Variants in SPATA16 observed in about 807,000 individuals in gnomAD.
SPATA16 encodes the protein spermatogenesis associated 16, also known as spermatogenesis-associated protein 16.
SPATA16 carries 36 observed loss-of-function variants against 63.3 expected under a neutral mutation model. The ratio of observed to expected loss-of-function variants is 0.57; its 90% confidence interval spans 0.44 to 0.75. The LOEUF (loss-of-function observed/expected upper bound fraction) is 0.75. Ranked by LOEUF, SPATA16 falls within the 30% of genes least tolerant of loss-of-function variation. The pLI, the probability that SPATA16 is intolerant of heterozygous loss-of-function variation, is 0.00. For missense variants in SPATA16, 646 were observed against 679.3 expected, an observed-to-expected ratio of 0.95 and a Z score of 0.54; for synonymous variants, 203 against 216.7, an observed-to-expected ratio of 0.94 and a Z score of 0.56.
At chr3:173,050,191 G>C (rs766865115) in intron 2 of SPATA16, among the ~76,000 whole-genome samples, 1 of 152,074 alleles carries the variant, frequency 6.6e-6, no homozygotes, top group Non-Finnish European at 1.5e-5. Flanking sequence ...AATGCAGTTT[G>C]TTATTTGAAT....
chr3:173,124,450 T>C (rs1278232134), intron 1 of SPATA16, among the ~76,000 whole-genome samples: 1 of 152,230 alleles, frequency 6.6e-6, no homozygotes, highest in Admixed American at 6.5e-5. Context: ...ATGCCTTGGC[T>C]CTTTCCAAGG....
intron 2 of SPATA16, among the ~76,000 whole-genome samples, chr3:173,078,553 A>G (rs1736856317): frequency 6.6e-6 from 1 of 152,192 alleles, no homozygotes. Flanking sequence ...TCATATTGTG[A>G]TTCTGACCAT....
At chr3:173,115,648 G>A (rs1397055579) in intron 2 of SPATA16, among the ~76,000 whole-genome samples, 1 of 152,122 alleles carries the variant, frequency 6.6e-6, no homozygotes, top group Non-Finnish European at 1.5e-5. Context: ...CTATTTGTGT[G>A]CTACCTAATT....
intron 4 of SPATA16, among the ~76,000 whole-genome samples, chr3:172,995,963 G>T (rs543315814): frequency 6.6e-6 from 1 of 151,966 alleles, no homozygotes; most frequent in Non-Finnish European, 1.5e-5. Context: ...CAGGTTTTCC[G>T]TTAATGTCCT....
intron 2 of SPATA16, among the ~76,000 whole-genome samples, chr3:173,053,177 G>A (rs1577150117): frequency 6.6e-6 from 1 of 152,100 alleles, no homozygotes; most frequent in Non-Finnish European, 1.5e-5. Flanking sequence ...CCAACATGGC[G>A]AAACCCCGTC....
chr3:173,059,302 C>T (rs1736320016), intron 2 of SPATA16, among the ~76,000 whole-genome samples: 1 of 146,678 alleles, frequency 6.8e-6, no homozygotes, highest in Non-Finnish European at 1.5e-5. Context: ...CTTTTGATTT[C>T]CTTAGGTTTT....
intron 1 of SPATA16, among the ~76,000 whole-genome samples, chr3:173,119,970 C>G (rs1380417792): frequency 6.6e-6 from 1 of 151,916 alleles, no homozygotes; most frequent in Non-Finnish European, 1.5e-5. Flanking sequence ...GCCTGTAGTC[C>G]CAATTACTCT....
chr3:172,889,842 G>A, intron 10 of SPATA16, 150 bp from the exon 11 acceptor site: 2 of 1,150,628 alleles, frequency 1.7e-6, no homozygotes, highest in Non-Finnish European at 2.4e-6. Context: ...ACACATAAAA[G>A]CCTTCTTCTG....
chr3:173,071,156 C>T (rs1736665786), intron 2 of SPATA16, among the ~76,000 whole-genome samples: 1 of 152,080 alleles, frequency 6.6e-6, no homozygotes, highest in African/African-American at 2.4e-5. Flanking sequence ...GAAATAAGTC[C>T]ATGCATTTAC....
chr3:173,084,989 C>T (rs76500703), intron 2 of SPATA16, among the ~76,000 whole-genome samples: 5,999 of 151,946 alleles, frequency 0.039, 396 homozygotes, highest in African/African-American at 0.14. Flanking sequence ...TGGGATTGTC[C>T]TGGTTATGTG....
intron 1 of SPATA16, among the ~76,000 whole-genome samples, chr3:173,119,987 T>G (rs1403528120): frequency 6.6e-6 from 1 of 151,484 alleles, no homozygotes; most frequent in Non-Finnish European, 1.5e-5. Context: ...CTCTGGAGGC[T>G]GAGGCAGGAG....
At chr3:172,925,622 T>C in intron 6 of SPATA16, 130 bp from the exon 7 acceptor site, 1 of 1,086,500 alleles carries the variant, frequency 9.2e-7, no homozygotes, top group Non-Finnish European at 1.4e-6. Flanking sequence ...TATGAAGTAA[T>C]ATTATGTGTA....
chr3:172,956,959 G>C, intron 5 of SPATA16, 135 bp from the exon 6 acceptor site: 1 of 1,081,064 alleles, frequency 9.3e-7, no homozygotes, highest in Non-Finnish European at 1.3e-6. Context: ...TTTTGGTCTT[G>C]AATATTCATT....
chr3:173,121,672 A>G (rs1334747354), intron 1 of SPATA16, among the ~76,000 whole-genome samples: 1 of 152,202 alleles, frequency 6.6e-6, no homozygotes, highest in African/African-American at 2.4e-5. Context: ...TAGGCATTCA[A>G]TAGATGTTGA....
At chr3:173,079,852 GT>G (rs11463186) in intron 2 of SPATA16, among the ~76,000 whole-genome samples, 12 of 149,126 alleles carry the variant, frequency 8.0e-5, no homozygotes, top group Admixed American at 2.0e-4. Flanking sequence ...CTCTTCTACT[GT>G]TTTTTTTTTA....
At chr3:172,934,231 A>G (rs1020798656) in intron 6 of SPATA16, among the ~76,000 whole-genome samples, 4 of 152,088 alleles carry the variant, frequency 2.6e-5, no homozygotes, top group African/African-American at 4.8e-5. Context: ...CAAAGCCTTA[A>G]TTTTCCTTTC....
intron 4 of SPATA16, among the ~76,000 whole-genome samples, chr3:173,007,468 T>C (rs1388936775): frequency 6.6e-6 from 1 of 152,108 alleles, no homozygotes; most frequent in Non-Finnish European, 1.5e-5. Context: ...AAATTCTTAG[T>C]GTAGTGGTAG....
At chr3:172,909,253 T>C (rs6762807) in intron 10 of SPATA16, among the ~76,000 whole-genome samples, 74,629 of 151,958 alleles carry the variant, frequency 0.49, 21,028 homozygotes, top group South Asian at 0.68. Context: ...ACCAAGATGG[T>C]GCCATCATTT....
chr3:172,899,187 T>A (rs79860535), intron 10 of SPATA16, among the ~76,000 whole-genome samples: 2 of 152,030 alleles, frequency 1.3e-5, no homozygotes, highest in Admixed American at 6.5e-5. Context: ...TCTTGTTGAT[T>A]TTCTATTTAG....
Sources: allele counts gnomAD v4.1 joint callset (sites outside exome capture counted in the v4.1 genomes callset), GRCh38; gene constraint gnomAD v4.1.1; transcripts MANE v1.5; gene names NCBI Gene and HGNC (gene_info 2026-07-23, HGNC 2026-07-21).